UCK2: variants seen among roughly 807,000 people sequenced by gnomAD.
UCK2 encodes cytidine monophosphokinase 2.
In UCK2, 6 loss-of-function variants were observed where a neutral mutation model predicts 30.8. The observed-to-expected ratio is 0.19, with a 90% CI of 0.11 to 0.38. UCK2 has a LOEUF of 0.38. Ranked by LOEUF, UCK2 falls within the 10% of genes least tolerant of loss-of-function variation. The probability of loss-of-function intolerance (pLI) is 1.00; values close to 1 mark genes in which losing one functional copy is unlikely to be tolerated. For missense variants in UCK2, 210 were observed against 339.8 expected, an observed-to-expected ratio of 0.62 and a Z score of 3.00; for synonymous variants, 125 against 133.6, an observed-to-expected ratio of 0.94 and a Z score of 0.45.
At chr1:165,897,808 A>G (rs1357347183) in intron 4 of UCK2, among the ~76,000 whole-genome samples, 1 of 152,216 alleles carries the variant, frequency 6.6e-6, no homozygotes, top group South Asian at 2.1e-4. Context: ...TGGGAGCTAC[A>G]TCTTGCTCCC....
At chr1:165,869,697 C>A (rs1280172608) in intron 1 of UCK2, among the ~76,000 whole-genome samples, 1 of 91,944 alleles carries the variant, frequency 1.1e-5, no homozygotes, top group African/African-American at 4.3e-5. Context: ...AGATGGGGGT[C>A]TTGCTCTGTC....
In UCK2 at chr1:165,846,659, G is replaced by GT. The variant is rs1417824968; in HGVS notation, c.99+18730dup. 2.6e-5 allele frequency among the ~76,000 whole-genome samples: 4 copies of GT among 152,116 alleles called. 1 individual carries two copies. The highest frequency in any genetic ancestry group is 6.5e-5 in the Admixed American group (1 of 15,270). ...CATTTCACATTTCACTGGGGAGAGT[G>GT]TTTCATGTCAGATCCCAGGATGAGG... On this transcript the variant is annotated intron_variant, in intron 1 of 6. Coordinates refer to ENST00000367879, the MANE Select transcript of UCK2 (RefSeq NM_012474.5).
rs561653415 is a variant in UCK2 at position 165,888,266 on chromosome 1, TTTCTGTTCTG to T, written c.100-1923_100-1914del. ...TCATCAAACCTCTAAATATGCTGTT[TTTCTGTTCTG>T]TTCTGTTCTGTTCTTTTCTCTTTTT... On this transcript the variant is annotated intron_variant, in intron 1 of 6. Transcript: ENST00000367879. 5.9e-5 allele frequency among the ~76,000 whole-genome samples: 9 copies of T among 152,218 alleles called. No homozygotes were observed. In the South Asian group the frequency reaches 1.5e-3, roughly 25 times the overall value.
At chr1:165,842,778 G>A (rs771771086) in intron 1 of UCK2, among the ~76,000 whole-genome samples, 6 of 152,054 alleles carry the variant, frequency 3.9e-5, no homozygotes, top group Non-Finnish European at 7.4e-5. Context: ...GCTCTTCTTT[G>A]CCTTCAGTCT....
At chr1:165,835,915 TTAG>T (rs1218120807) in intron 1 of UCK2, among the ~76,000 whole-genome samples, 2 of 152,222 alleles carry the variant, frequency 1.3e-5, no homozygotes, top group African/African-American at 4.8e-5. Context: ...ACTGTACTTA[TTAG>T]TATAAAATTC....
At chr1:165,887,106 C>T (rs923599382) in intron 1 of UCK2, among the ~76,000 whole-genome samples, 8 of 152,154 alleles carry the variant, frequency 5.3e-5, no homozygotes, top group Non-Finnish European at 8.8e-5. Context: ...TTTCCTCATC[C>T]ATGTAGGAGA....
At chr1:165,891,617 C>A in intron 3 of UCK2, 1 of 325,814 alleles carries the variant, frequency 3.1e-6, no homozygotes, top group Non-Finnish European at 5.7e-6. Context: ...TTCTGATCCA[C>A]ATTCCAGTGC....
chr1:165,839,364 G>T (rs1654270759), intron 1 of UCK2, among the ~76,000 whole-genome samples: 1 of 152,186 alleles, frequency 6.6e-6, no homozygotes, highest in African/African-American at 2.4e-5. Flanking sequence ...ACTACAGAGG[G>T]ATGACAGAAG....
intron 1 of UCK2, among the ~76,000 whole-genome samples, chr1:165,853,844 T>A (rs1026821770): frequency 1.3e-5 from 2 of 152,234 alleles, no homozygotes; most frequent in Admixed American, 6.5e-5. Flanking sequence ...CTAGAACTCT[T>A]AACTTACCCT....
intron 1 of UCK2, among the ~76,000 whole-genome samples, chr1:165,869,207 CATATA>C (rs1655127690): frequency 6.6e-6 from 1 of 152,062 alleles, no homozygotes; most frequent in South Asian, 2.1e-4. Context: ...ATCACCATAA[CATATA>C]ATAAAATAAT....
chr1:165,890,819 T>C (rs1463670937), intron 2 of UCK2: 4 of 258,990 alleles, frequency 1.5e-5, no homozygotes, highest in Non-Finnish European at 3.0e-5. Flanking sequence ...ACTGCTCCTT[T>C]AGCTGGCTTG....
Position 165,861,445 on chromosome 1 carries a change from G to A in UCK2, c.100-28759G>A, listed in dbSNP as rs1205977152. Among the ~76,000 whole-genome samples the A allele has an allele frequency of 2.6e-5, 4 of 151,454 alleles. No individual in the cohort carries two copies. In the East Asian group the frequency reaches 5.8e-4, roughly 22 times the overall value. On this transcript the variant is annotated intron_variant, in intron 1 of 6. Transcript: ENST00000367879. ...ACATCGAGACCATCCCGGCTAAAAC[G>A]GTGAAACCCCGTCTCTACTAAAAAT...
intron 1 of UCK2, among the ~76,000 whole-genome samples, chr1:165,854,430 G>A (rs1477967658): frequency 6.6e-6 from 1 of 152,046 alleles, no homozygotes; most frequent in Admixed American, 6.6e-5. Context: ...GATTTCCCTG[G>A]TTTTGCTGTA....
chr1:165,905,386 A>T (rs987913631), intron 5 of UCK2, among the ~76,000 whole-genome samples: 2 of 152,080 alleles, frequency 1.3e-5, no homozygotes, highest in Non-Finnish European at 2.9e-5. Context: ...CAGGAGGCTG[A>T]GGTGGGATGA....
intron 1 of UCK2, among the ~76,000 whole-genome samples, chr1:165,879,775 T>A (rs1308027674): frequency 6.6e-6 from 1 of 152,072 alleles, no homozygotes; most frequent in Non-Finnish European, 1.5e-5. Context: ...GTCGAGGGAA[T>A]TGAGACAGCC....
intron 1 of UCK2, among the ~76,000 whole-genome samples, chr1:165,840,479 GA>G (rs1452280429): frequency 6.6e-6 from 1 of 152,124 alleles, no homozygotes; most frequent in African/African-American, 2.4e-5. Context: ...TCGATCCCTT[GA>G]ACTTGTCCCT....
chr1:165,828,073 G>T (rs972635105), intron 1 of UCK2, 141 bp downstream of exon 1: 4 of 436,552 alleles, frequency 9.2e-6, no homozygotes, highest in Non-Finnish European at 9.4e-6. Context: ...CTCCAGCGCC[G>T]AGTGCGCCCC....
chr1:165,858,356 A>G (rs977727536), intron 1 of UCK2, among the ~76,000 whole-genome samples: 1 of 152,048 alleles, frequency 6.6e-6, no homozygotes, highest in Non-Finnish European at 1.5e-5. Context: ...TGTGCCTCCT[A>G]TGTGTGTAGG....
At chr1:165,839,463 A>C (rs1571264757) in intron 1 of UCK2, among the ~76,000 whole-genome samples, 1 of 151,334 alleles carries the variant, frequency 6.6e-6, no homozygotes, top group African/African-American at 2.4e-5. Flanking sequence ...TGTGTTTTAG[A>C]CCTGTCTTCT....
Sources: gnomAD v4.1 joint callset for allele counts (sites outside exome capture counted in the v4.1 genomes callset) on GRCh38, gnomAD v4.1.1 for gene constraint, MANE v1.5 for transcripts, NCBI Gene and HGNC (gene_info 2026-07-23, HGNC 2026-07-21) for gene names.